SBF2: variants seen among roughly 807,000 people sequenced by gnomAD.
SBF2 encodes myotubularin-related protein 13.
Under a neutral mutation model 225.2 loss-of-function variants are expected in SBF2, and 112 were observed. The ratio of observed to expected loss-of-function variants is 0.50; its 90% CI spans 0.43 to 0.58. SBF2 has a LOEUF of 0.58. Among genes scored for constraint, SBF2 ranks in the 20% least tolerant of loss-of-function variants. The pLI is 0.00. For missense variants in SBF2, 1,996 were observed against 2,206.2 expected (o/e 0.90, Z 1.91); for synonymous variants, 763 against 773.3 (o/e 0.99, Z 0.22).
At position 10,066,781 on chromosome 11, in the gene SBF2, C is replaced by CA. The variant is rs973472827; in HGVS notation, c.142-23801dup. Reference sequence around the variant, plus strand: ...CCAGGTTCTAGCCTGGGCAATCAAGCAAAAAAAAGGAAGGAACCCGATTGC... The same window carrying CA: ...CCAGGTTCTAGCCTGGGCAATCAAGCAAAAAAAAAGGAAGGAACCCGATTGC... On this transcript the variant is annotated intron_variant, in intron 2 of 39. Coordinates refer to ENST00000256190, the MANE Select transcript of SBF2 (RefSeq NM_030962.4). 1.2e-4 allele frequency among the ~76,000 whole-genome samples: 18 copies of CA among 150,658 alleles called. No individual in the cohort carries two copies. The South Asian group carries it at 1.7e-3, about 14-fold the overall frequency.
chr11:10,186,530 T>C (rs1956939369), intron 2 of SBF2, among the ~76,000 whole-genome samples: 1 of 152,188 alleles, frequency 6.6e-6, no homozygotes, highest in African/African-American at 2.4e-5. Flanking sequence ...TGTAAGATCC[T>C]GTGTCTCTTT....
chr11:9,820,858 C>T lies in SBF2; in HGVS notation c.3794-3834G>A, dbSNP rs368049727. On this transcript the variant is annotated intron_variant, in intron 28 of 39. Transcript: ENST00000256190. ...GGCTGAAAGGTGAGACATAACAAGA[C>T]GCTGCTTTTCCTTTTGTTCCTAAAC... Among the ~76,000 whole-genome samples the T allele has an allele frequency of 3.9e-5, 6 of 152,188 alleles. No individual in the cohort carries two copies. The East Asian group carries it at 7.7e-4, about 20-fold the overall frequency.
intron 1 of SBF2, among the ~76,000 whole-genome samples, chr11:10,194,302 C>T (rs537575213): frequency 1.3e-5 from 2 of 152,120 alleles, no homozygotes; most frequent in South Asian, 2.1e-4. Flanking sequence ...CAAATATTTC[C>T]ATACCATTTT....
intron 9 of SBF2, among the ~76,000 whole-genome samples, chr11:9,996,884 C>A (rs1314922651): frequency 6.6e-6 from 1 of 152,196 alleles, no homozygotes; most frequent in Non-Finnish European, 1.5e-5. Context: ...AAACATTCAA[C>A]CTACAGGTAA....
In SBF2 at chr11:9,992,269, A is replaced by T. The variant is rs969484815; in HGVS notation, c.1296+146T>A. ...TTATAATCCACATTAAAATATCGAGATTTGATAAGCATAATAAATAACATT... is the reference window on the plus strand; with the variant it reads ...TTATAATCCACATTAAAATATCGAGTTTTGATAAGCATAATAAATAACATT... On this transcript the variant is annotated intron_variant, in intron 12 of 39. Coordinates refer to ENST00000256190, the MANE Select transcript of SBF2 (RefSeq NM_030962.4). 13 of 602,138 alleles carry T rather than the reference A, an allele frequency of 2.2e-5. No homozygotes were observed. In the African/African-American group the frequency reaches 2.5e-4, roughly 12 times the overall value. The allele number at this position is 602,138 out of a possible 1,614,324, so 37.3% of individuals were successfully genotyped here. A position where few individuals can be genotyped will look rare whatever the true frequency, so the allele number is the denominator to read the frequency against.
rs535681591 is a variant in SBF2, at chr11:9,909,575, C to G, written c.1861-13564G>C. On this transcript the variant is annotated intron_variant, in intron 16 of 39. Transcript: ENST00000256190. ...GTCCCAGCTACTCGGGAGGCTGAGG[C>G]AGGAGAATGGCATGAACCCGGGAGG... 4.0e-5 allele frequency among the ~76,000 whole-genome samples: 6 copies of G among 150,468 alleles called. No homozygotes were observed. In the East Asian group the frequency reaches 1.2e-3, roughly 30 times the overall value.
chr11:9,968,211 G>A, intron 14 of SBF2, 130 bp downstream of exon 14: 1 of 806,812 alleles, frequency 1.2e-6, no homozygotes, highest in Non-Finnish European at 2.1e-6. Flanking sequence ...TCTGAGTATT[G>A]ATAATGCTCT....
chr11:10,224,093 T>A (rs1258814155), intron 1 of SBF2, among the ~76,000 whole-genome samples: 1 of 152,190 alleles, frequency 6.6e-6, no homozygotes, highest in African/African-American at 2.4e-5. Flanking sequence ...TAAGATAGAC[T>A]AGTATCTACT....
At chr11:9,827,065 T>C (rs893204239) in intron 28 of SBF2, among the ~76,000 whole-genome samples, 1 of 152,236 alleles carries the variant, frequency 6.6e-6, no homozygotes, top group East Asian at 1.9e-4. Context: ...CTGGAATTCC[T>C]GACCTCAGGT....
intron 2 of SBF2, among the ~76,000 whole-genome samples, chr11:10,163,751 G>A (rs57626581): frequency 0.011 from 1,622 of 152,194 alleles, 35 homozygotes; most frequent in African/African-American, 0.037. Flanking sequence ...TATACATAGA[G>A]TGCTTAAAAT....
intron 6 of SBF2, among the ~76,000 whole-genome samples, chr11:10,012,260 C>A (rs914142842): frequency 3.9e-5 from 6 of 152,192 alleles, no homozygotes; most frequent in Non-Finnish European, 5.9e-5. Flanking sequence ...ATCCTCCTAC[C>A]TCAGCTTCCT....
intron 1 of SBF2, among the ~76,000 whole-genome samples, chr11:10,229,232 A>G (rs11042678): frequency 0.49 from 74,427 of 151,570 alleles, 18,617 homozygotes; most frequent in Non-Finnish European, 0.54. Flanking sequence ...TCTTGCTAGC[A>G]GTCTATCAAT....
intron 17 of SBF2, among the ~76,000 whole-genome samples, chr11:9,885,927 A>C (rs978867711): frequency 6.6e-6 from 1 of 152,090 alleles, no homozygotes; most frequent in South Asian, 2.1e-4. Context: ...AGGAGATGGG[A>C]TGCGTTCTCC....
chr11:10,298,782 C>A (rs1033619946), upstream of SBF2, among the ~76,000 whole-genome samples: 1 of 152,222 alleles, frequency 6.6e-6, no homozygotes, highest in African/African-American at 2.4e-5. Flanking sequence ...ATTGTTCCTA[C>A]TTCCCAAATA....
At chr11:10,256,259 T>C (rs938884951) in intron 1 of SBF2, among the ~76,000 whole-genome samples, 1 of 152,224 alleles carries the variant, frequency 6.6e-6, no homozygotes, top group Admixed American at 6.5e-5. Flanking sequence ...GCCCCTATTA[T>C]GACTGTAGTT....
At chr11:9,973,552 G>C (rs1331345990) in intron 13 of SBF2, among the ~76,000 whole-genome samples, 1 of 152,134 alleles carries the variant, frequency 6.6e-6, no homozygotes, top group Admixed American at 6.5e-5. Flanking sequence ...TCAAGGAATG[G>C]TCTCTATAAT....
chr11:10,078,099 T>C (rs185205713), intron 2 of SBF2, among the ~76,000 whole-genome samples: 407 of 152,302 alleles, frequency 2.7e-3, no homozygotes, highest in Admixed American at 7.5e-3. Context: ...TACCATCTCA[T>C]GCCATTTAGA....
chr11:9,967,845 G>A (rs1436418293), intron 14 of SBF2, among the ~76,000 whole-genome samples: 1 of 151,072 alleles, frequency 6.6e-6, no homozygotes, highest in African/African-American at 2.4e-5. Flanking sequence ...AACCCAGGAG[G>A]CAGAAGTTAC....
At chr11:9,917,400 T>C (rs1167793582) in intron 16 of SBF2, among the ~76,000 whole-genome samples, 1 of 151,622 alleles carries the variant, frequency 6.6e-6, no homozygotes, top group Non-Finnish European at 1.5e-5. Context: ...GACACGGTCT[T>C]GGCTCCCTGC....
Sources: gnomAD v4.1 joint callset for allele counts (sites outside exome capture counted in the v4.1 genomes callset) on GRCh38, gnomAD v4.1.1 for gene constraint, MANE v1.5 for transcripts, NCBI Gene and HGNC (gene_info 2026-07-23, HGNC 2026-07-21) for gene names.